MINDY2: variants seen among roughly 807,000 people sequenced by gnomAD.
MINDY2 encodes MINDY lysine 48 deubiquitinase 2, also known as ubiquitin carboxyl-terminal hydrolase MINDY-2.
A neutral mutation model predicts 68.2 loss-of-function variants in MINDY2; 52 were observed. The ratio of observed to expected loss-of-function variants is 0.76; its 90% confidence interval spans 0.61 to 0.96. The LOEUF is 0.96. MINDY2 is among the 40% of genes least tolerant of loss of function. The pLI, the probability that MINDY2 is intolerant of heterozygous loss-of-function variation, is 0.00. For synonymous variants in MINDY2, 372 were observed against 303.0 expected (o/e 1.23, Z -2.36); for missense variants, 881 against 773.4 (o/e 1.14, Z -1.65).
chr15:58,820,141 C>T (rs1363004957), intron 4 of MINDY2, among the ~76,000 whole-genome samples: 18 of 152,068 alleles, frequency 1.2e-4, no homozygotes, highest in African/African-American at 4.3e-4. Context: ...TGGCGTGCAC[C>T]TGTAGTCTCA....
chr15:58,795,650 C>T (rs1902233702), intron 2 of MINDY2, among the ~76,000 whole-genome samples: 2 of 152,170 alleles, frequency 1.3e-5, no homozygotes, highest in African/African-American at 2.4e-5. Context: ...GTGATCCACC[C>T]GTCTCGGCCT....
At chr15:58,791,610 C>G (rs1277936527) in intron 2 of MINDY2, among the ~76,000 whole-genome samples, 1 of 138,240 alleles carries the variant, frequency 7.2e-6, no homozygotes, top group Non-Finnish European at 1.5e-5. Flanking sequence ...GGGCAAGACC[C>G]TGTCTCAAAA....
chr15:58,777,467 A>T (rs1471228689), intron 1 of MINDY2, among the ~76,000 whole-genome samples: 2 of 152,098 alleles, frequency 1.3e-5, no homozygotes, highest in African/African-American at 4.8e-5. Flanking sequence ...AGAGTAGGCG[A>T]TCATTCATAA....
chr15:58,785,608 C>T (rs1420051395), intron 1 of MINDY2, among the ~76,000 whole-genome samples: 2 of 152,054 alleles, frequency 1.3e-5, no homozygotes, highest in Non-Finnish European at 2.9e-5. Flanking sequence ...AAAAATATGC[C>T]ATATATGGGA....
At chr15:58,776,460 C>T (rs550825868) in intron 1 of MINDY2, among the ~76,000 whole-genome samples, 1 of 152,114 alleles carries the variant, frequency 6.6e-6, no homozygotes, top group South Asian at 2.1e-4. Context: ...GGAATGAGAA[C>T]TAGAAATAGG....
At chr15:58,840,670 ATT>A (rs869230229) in intron 6 of MINDY2, among the ~76,000 whole-genome samples, 1 of 127,276 alleles carries the variant, frequency 7.9e-6, no homozygotes, top group Non-Finnish European at 1.7e-5. Flanking sequence ...TATTATTATT[ATT>A]TTGAGATGGA....
chr15:58,851,641 A>G lies in MINDY2; in HGVS notation c.1543-130A>G, dbSNP rs903491246. On this transcript the variant is annotated intron_variant, in intron 7 of 8. Coordinates refer to ENST00000559228, the MANE Select transcript of MINDY2 (RefSeq NM_001040450.3). ...TTTTTTGTAGAGACAGGGTCTTGCT[A>G]TATTGCCCAGGCCTGGTGTATTTTT... 5 of 663,182 alleles carry G rather than the reference A, an allele frequency of 7.5e-6. 1 individual carries two copies. In the East Asian group the frequency reaches 1.1e-4, roughly 14 times the overall value. The allele number at this position is 663,182 out of a possible 1,614,324, so 41.1% of individuals were successfully genotyped here.
chr15:58,802,425 A>G (rs199907753), intron 3 of MINDY2, 48 bp downstream of exon 3: 9 of 1,247,464 alleles, frequency 7.2e-6, no homozygotes, highest in Non-Finnish European at 1.0e-5. Context: ...GTTTAAATAT[A>G]TACATTGGTT....
intron 2 of MINDY2, among the ~76,000 whole-genome samples, chr15:58,795,469 G>A (rs981299508): frequency 7.9e-5 from 12 of 152,000 alleles, no homozygotes; most frequent in Admixed American, 4.6e-4. Flanking sequence ...GCAGTGGCGC[G>A]ATCTCAGCTC....
chr15:58,825,296 C>T (rs375595054), intron 5 of MINDY2, among the ~76,000 whole-genome samples: 7 of 152,230 alleles, frequency 4.6e-5, no homozygotes, highest in South Asian at 2.1e-4. Flanking sequence ...TTCCTTGATT[C>T]TAATGCCTTA....
intron 4 of MINDY2, among the ~76,000 whole-genome samples, chr15:58,818,391 G>T (rs1211561908): frequency 6.6e-6 from 1 of 152,046 alleles, no homozygotes; most frequent in Non-Finnish European, 1.5e-5. Context: ...GAGTAGCTGG[G>T]ACTATAGGCA....
chr15:58,848,225 A>G (rs2032632855), intron 7 of MINDY2, among the ~76,000 whole-genome samples: 1 of 152,156 alleles, frequency 6.6e-6, no homozygotes, highest in Non-Finnish European at 1.5e-5. Context: ...AACAGTTGAC[A>G]TATATTTCAC....
chr15:58,835,687 T>C (rs1434490584), intron 6 of MINDY2, among the ~76,000 whole-genome samples: 1 of 151,964 alleles, frequency 6.6e-6, no homozygotes, highest in African/African-American at 2.4e-5. Flanking sequence ...AAAAATAAAA[T>C]GATACCTAAA....
chr15:58,812,378 A>C (rs1275829612), intron 4 of MINDY2, among the ~76,000 whole-genome samples: 1 of 151,220 alleles, frequency 6.6e-6, no homozygotes, highest in Non-Finnish European at 1.5e-5. Context: ...TGGAGTTTGC[A>C]GTGAGCCGAG....
chr15:58,773,590 A>G (rs1176348384), intron 1 of MINDY2, among the ~76,000 whole-genome samples: 4 of 152,162 alleles, frequency 2.6e-5, no homozygotes, highest in African/African-American at 7.2e-5. Flanking sequence ...ACTGTGGTAA[A>G]TCTGTGGAAA....
Position 58,831,041 on chromosome 15 carries a change from G to GTATATATATATATATATATATATA in MINDY2, c.1226-714_1226-713insATATATATATATATATATATATAT, listed in dbSNP as rs61211927. On this transcript the variant is annotated intron_variant, in intron 5 of 8. Transcript: ENST00000559228. ...TGTGTGTGTGTGTGTGTGTGTGTGT[G>GTATATATATATATATATATATATA]TATATATATATATATATATGTTTTA... Among the ~76,000 whole-genome samples, 202 of 124,862 alleles carry GTATATATATATATATATATATATA rather than the reference G, an allele frequency of 1.6e-3. 4 individuals carry two copies. The highest frequency in any genetic ancestry group is 8.3e-3 in the Middle Eastern group (2 of 242). 81.9% of individuals were successfully genotyped at this position (124,862 alleles called of 152,430 possible).
chr15:58,842,645 T>C (rs926599444), intron 6 of MINDY2, among the ~76,000 whole-genome samples: 2 of 152,186 alleles, frequency 1.3e-5, no homozygotes, highest in African/African-American at 4.8e-5. Flanking sequence ...AAATAGGAGA[T>C]AGAAGCAGAT....
chr15:58,807,184 C>G (rs962988252), intron 3 of MINDY2, among the ~76,000 whole-genome samples: 2 of 151,856 alleles, frequency 1.3e-5, no homozygotes, highest in Admixed American at 6.6e-5. Flanking sequence ...GTCTACTGTT[C>G]TTATTTTGTG....
chr15:58,813,353 G>T (rs1202747540), intron 4 of MINDY2, among the ~76,000 whole-genome samples: 1 of 152,122 alleles, frequency 6.6e-6, no homozygotes, highest in Non-Finnish European at 1.5e-5. Flanking sequence ...AAATCAGCTG[G>T]CTGTCATGGC....
Sources: allele counts gnomAD v4.1 joint callset (sites outside exome capture counted in the v4.1 genomes callset), GRCh38; gene constraint gnomAD v4.1.1; transcripts MANE v1.5; gene names NCBI Gene and HGNC (gene_info 2026-07-23, HGNC 2026-07-21).